SPTLC2: variants seen among roughly 807,000 people sequenced by gnomAD.
SPTLC2 encodes serine palmitoyltransferase 2.
A neutral mutation model predicts 62.0 loss-of-function variants in SPTLC2; 21 were observed. The ratio of observed to expected loss-of-function variants is 0.34; its 90% confidence interval spans 0.24 to 0.49. The LOEUF is 0.49. SPTLC2 is among the 20% of genes least tolerant of loss of function. The pLI, the probability that SPTLC2 is intolerant of heterozygous loss-of-function variation, is 0.99. For synonymous variants in SPTLC2, 261 were observed against 261.8 expected, an observed-to-expected ratio of 1.00 and a Z score of 0.03; for missense variants, 511 against 713.0, an observed-to-expected ratio of 0.72 and a Z score of 3.23.
intron 2 of SPTLC2, among the ~76,000 whole-genome samples, chr14:77,582,027 T>C (rs2079753897): frequency 6.6e-6 from 1 of 151,336 alleles, no homozygotes; most frequent in Admixed American, 6.6e-5. Flanking sequence ...ACAGTACTGA[T>C]TATCTCATTT....
chr14:77,515,517 A>C lies in SPTLC2; in HGVS notation c.1569+2521T>G, dbSNP rs556858013. ...TCTAAAAATACAGTGTACAAGTGTA[A>C]ATTAGCCAGTGTACAAGGGAAAGGC... is the stretch of plus-strand genomic sequence containing the variant. On this transcript the variant is annotated intron_variant, in intron 11 of 11. Transcript: ENST00000216484. Among the ~76,000 whole-genome samples, 565 of 150,454 alleles carry C rather than the reference A, an allele frequency of 3.8e-3. 5 individuals carry two copies. The highest frequency in any genetic ancestry group is 6.3e-3 in the Non-Finnish European group (428 of 67,770).
intron 9 of SPTLC2, among the ~76,000 whole-genome samples, chr14:77,539,482 GCTTT>G (rs1363962351): frequency 1.2e-5 from 1 of 84,656 alleles, no homozygotes; most frequent in Non-Finnish European, 2.3e-5. Context: ...ATCTTAAGAG[GCTTT>G]TTTTTTTTTT....
At chr14:77,523,819 T>C (rs918282257) in intron 9 of SPTLC2, among the ~76,000 whole-genome samples, 6 of 152,190 alleles carry the variant, frequency 3.9e-5, no homozygotes, top group African/African-American at 1.4e-4. Flanking sequence ...GAAAGGATCC[T>C]ACTGATTCCA....
chr14:77,518,359 G>A (rs1466863122), intron 10 of SPTLC2, among the ~76,000 whole-genome samples, 192 bp from the exon 11 acceptor site: 1 of 152,120 alleles, frequency 6.6e-6, no homozygotes, highest in African/African-American at 2.4e-5. Flanking sequence ...TCCTAAAGCA[G>A]TCTTCTCCTA....
At chr14:77,580,980 C>G (rs1201236302) in intron 2 of SPTLC2, among the ~76,000 whole-genome samples, 1 of 152,242 alleles carries the variant, frequency 6.6e-6, no homozygotes, top group East Asian at 1.9e-4. Flanking sequence ...AATCAAGTCA[C>G]AGCGGAGCAG....
At chr14:77,540,997 A>G (rs1246741424) in intron 9 of SPTLC2, among the ~76,000 whole-genome samples, 3 of 151,920 alleles carry the variant, frequency 2.0e-5, no homozygotes, top group Non-Finnish European at 4.4e-5. Flanking sequence ...TGTACTCAGA[A>G]GGTATGCTTG....
intron 9 of SPTLC2, 85 bp downstream of exon 9, chr14:77,552,011 T>C: frequency 6.4e-7 from 1 of 1,566,570 alleles, no homozygotes; most frequent in South Asian, 1.2e-5. Flanking sequence ...ACCTGACTAT[T>C]TATTTTAGGA....
At chr14:77,596,270 C>CGGA (rs1382317585) in intron 2 of SPTLC2, among the ~76,000 whole-genome samples, 2 of 151,012 alleles carry the variant, frequency 1.3e-5, no homozygotes, top group African/African-American at 4.9e-5. Context: ...ACCCGGGAGG[C>CGGA]GGAGCTTGCA....
In SPTLC2 at chr14:77,585,064, C is replaced by T. The variant is rs574083873; in HGVS notation, c.328-5955G>A. 4.9e-4 allele frequency among the ~76,000 whole-genome samples: 74 copies of T among 152,300 alleles called. 1 individual carries two copies. The South Asian group carries it at 0.015, about 30-fold the overall frequency. ...GTGATGCCAGCACTCAGAGTACTCA[C>T]GGCAGGAGCAGTTTCCTAGTTTGGG... On this transcript the variant is annotated intron_variant, in intron 2 of 11. Transcript: ENST00000216484.
chr14:77,601,635 T>A (rs1427535441), intron 1 of SPTLC2, among the ~76,000 whole-genome samples: 1 of 151,926 alleles, frequency 6.6e-6, no homozygotes, highest in African/African-American at 2.4e-5. Flanking sequence ...CCTGTCCTCA[T>A]CCTCACTTCG....
rs1249758904 is a variant in SPTLC2 at position 77,576,662 on chromosome 14, T to C, written c.631+105A>G. ...CATTCTTCACCTTATCTAAATGACA[T>C]GACAAAGTGTAGATATTTAATACTC... On this transcript the variant is annotated intron_variant, in intron 4 of 11. Coordinates refer to ENST00000216484, the MANE Select transcript of SPTLC2 (RefSeq NM_004863.4). 8.1e-6 allele frequency: 12 copies of C among 1,488,016 alleles called. No homozygotes were observed. In the Middle Eastern group the frequency reaches 8.6e-4, roughly 106 times the overall value. The allele number at this position is 1,488,016 out of a possible 1,614,324, so 92.2% of individuals were successfully genotyped here.
intron 9 of SPTLC2, among the ~76,000 whole-genome samples, chr14:77,549,321 T>C (rs1248145211): frequency 6.6e-6 from 1 of 152,082 alleles, no homozygotes; most frequent in Non-Finnish European, 1.5e-5. Context: ...ATGGCCTTAG[T>C]GACCTGCTTG....
At chr14:77,580,049 T>C (rs2140041757) in intron 2 of SPTLC2, among the ~76,000 whole-genome samples, 1 of 152,224 alleles carries the variant, frequency 6.6e-6, no homozygotes, top group Non-Finnish European at 1.5e-5. Flanking sequence ...GGAAATGCCA[T>C]AAAAACCACA....
intron 6 of SPTLC2, among the ~76,000 whole-genome samples, chr14:77,560,479 G>A (rs1251790369): frequency 3.3e-5 from 5 of 152,072 alleles, no homozygotes; most frequent in Non-Finnish European, 7.4e-5. Flanking sequence ...GCCGGGCGTG[G>A]TGGAACACAT....
intron 2 of SPTLC2, among the ~76,000 whole-genome samples, chr14:77,592,633 C>T (rs1350198837): frequency 1.3e-5 from 2 of 151,970 alleles, no homozygotes; most frequent in African/African-American, 2.4e-5. Flanking sequence ...TTCAGGGGTA[C>T]GTGTGCAGGT....
chr14:77,585,123 C>A (rs1290812535), intron 2 of SPTLC2, among the ~76,000 whole-genome samples: 1 of 152,204 alleles, frequency 6.6e-6, no homozygotes, highest in Non-Finnish European at 1.5e-5. Context: ...AGGCCCTAAC[C>A]TCACTGCTCT....
intron 8 of SPTLC2, 139 bp downstream of exon 8, chr14:77,555,161 C>A: frequency 1.2e-6 from 1 of 857,380 alleles, no homozygotes. Flanking sequence ...ACATTAGAGT[C>A]ACTCACTGGT....
At position 77,576,850 on chromosome 14, in the gene SPTLC2, C is replaced by T. The variant is rs368865952; in HGVS notation, c.548G>A (p.Arg183Gln). The stretch of plus-strand genomic sequence containing the variant: ...TGCTTCTTGACATGATCCAGTATTC[C>T]GTGCAAATCCAAGATAGTTGTAGGA... ...MGSYNYLGFA[R>Q]NTGSCQEAAA... The change falls in exon 4 of 12, where the codon CGG (arginine) becomes CAG (glutamine). Residue 183 changes from arginine (R) to glutamine (Q), a missense_variant. Physicochemically the swap from Arg to Gln is conservative, Grantham distance 43. Coordinates refer to ENST00000216484, the MANE Select transcript of SPTLC2 (RefSeq NM_004863.4). 36 of 1,614,022 alleles carry T rather than the reference C, an allele frequency of 2.2e-5. No individual in the cohort carries two copies. Among genetic ancestry groups the T allele is most frequent in the Non-Finnish European group, 3.1e-5 (36 of 1,180,030 alleles).
chr14:77,508,445 TACTC>T lies in SPTLC2; in HGVS notation c.*3835_*3838del, dbSNP rs1177042284. ...CTACAAATCCTTGCAAAACAACAGT[TACTC>T]ACATTCTTTCTTCACGGCCTACGGC... On this transcript the variant is annotated 3_prime_UTR_variant, in exon 12 of 12. Coordinates refer to ENST00000216484, the MANE Select transcript of SPTLC2 (RefSeq NM_004863.4). 2 of 152,204 alleles carry T rather than the reference TACTC, an allele frequency of 1.3e-5. No homozygotes were observed. The highest frequency in any genetic ancestry group is 2.9e-5 in the Non-Finnish European group (2 of 68,048). 9.4% of individuals were successfully genotyped at this position (152,204 alleles called of 1,614,324 possible).
Sources: gnomAD v4.1 joint callset for allele counts (sites outside exome capture counted in the v4.1 genomes callset) on GRCh38, gnomAD v4.1.1 for gene constraint, MANE v1.5 for transcripts, NCBI Gene and HGNC (gene_info 2026-07-23, HGNC 2026-07-21) for gene names.